Variants in CFAP77 observed in about 807,000 individuals in gnomAD.
The protein encoded by CFAP77 is cilia- and flagella-associated protein 77.
Under a neutral mutation model 31.1 loss-of-function variants are expected in CFAP77, and 25 were observed. The observed-to-expected ratio is 0.80, with a 90% CI of 0.59 to 1.12. The LOEUF (loss-of-function observed/expected upper bound fraction) is 1.12, where lower values mean the gene tolerates loss of function less well. Ranked by LOEUF, CFAP77 falls within the 50% of genes most tolerant of loss-of-function variation. CFAP77 has a pLI of 0.00. For synonymous variants in CFAP77, 151 were observed against 159.9 expected, an observed-to-expected ratio of 0.94 and a Z score of 0.42; for missense variants, 377 against 397.3, an observed-to-expected ratio of 0.95 and a Z score of 0.44.
intron 3 of CFAP77, among the ~76,000 whole-genome samples, chr9:132,533,219 G>A (rs1444881766): frequency 6.6e-6 from 1 of 152,204 alleles, no homozygotes; most frequent in Non-Finnish European, 1.5e-5. Flanking sequence ...GGGCCCTTCA[G>A]CTGCCGAAGA....
At chr9:132,473,705 CAG>C (rs954021480) in intron 1 of CFAP77, among the ~76,000 whole-genome samples, 3 of 152,054 alleles carry the variant, frequency 2.0e-5, no homozygotes, top group African/African-American at 7.2e-5. Context: ...TTTTTTGAGA[CAG>C]AGTTTCACTC....
chr9:132,413,819 G>A (rs148832126), intron 1 of CFAP77, among the ~76,000 whole-genome samples: 182 of 152,244 alleles, frequency 1.2e-3, no homozygotes, highest in African/African-American at 3.3e-3. Context: ...GTAAAAGATC[G>A]TAGCACCCGA....
rs538251832 is a variant in CFAP77 at position 132,513,348 on chromosome 9, C to T, written c.524+13748C>T. On this transcript the variant is annotated intron_variant, in intron 3 of 5. Transcript: ENST00000393216. ...TGGATTTAGCACGCTAACCATCTGGCCGCTTTCGCTTCTGATCCTTTCCTT... is the reference window on the plus strand; with the variant it reads ...TGGATTTAGCACGCTAACCATCTGGTCGCTTTCGCTTCTGATCCTTTCCTT... 1.9e-6 allele frequency: 3 copies of T among 1,544,044 alleles called. No individual in the cohort carries two copies. In the African/African-American group the frequency reaches 4.1e-5, roughly 21 times the overall value.
At chr9:132,436,358 A>G (rs1001771488) in intron 1 of CFAP77, among the ~76,000 whole-genome samples, 5 of 152,132 alleles carry the variant, frequency 3.3e-5, no homozygotes, top group Non-Finnish European at 1.5e-5. Flanking sequence ...CGTTGAATTT[A>G]GGATCCTCAA....
At chr9:132,458,899 C>G (rs1274527911) in intron 1 of CFAP77, among the ~76,000 whole-genome samples, 1 of 151,952 alleles carries the variant, frequency 6.6e-6, no homozygotes, top group African/African-American at 2.4e-5. Context: ...ATGGTTGAAC[C>G]CTTTTGAAGT....
In CFAP77 at chr9:132,511,009, C is replaced by G. The variant is rs1339649274; in HGVS notation, c.524+11409C>G. Among the ~76,000 whole-genome samples the G allele has an allele frequency of 6.6e-6, 1 of 152,130 alleles. No homozygotes were observed. Among genetic ancestry groups the G allele is most frequent in the African/African-American group, 2.4e-5 (1 of 41,420 alleles). ...GTCACGCTGGGATCTGATCTCAGAA[C>G]CCACATTCGTTACCTCCGGCCTATG... is the stretch of plus-strand genomic sequence containing the variant. On this transcript the variant is annotated intron_variant, in intron 3 of 5. Coordinates refer to ENST00000393216, the MANE Select transcript of CFAP77 (RefSeq NM_001282957.2). This position sits in a 1 kb window ranked among gnomAD's most constrained non-coding sequence, Gnocchi z 5.8.
At position 132,521,762 on chromosome 9, in the gene CFAP77, C is replaced by CTTT. The variant is rs774087426; in HGVS notation, c.525-15819_525-15817dup. ...GCTGAGAAAGACAGAAATAGACTTG[C>CTTT]TTTTTTTTTTTTTTTTTTTTTTGAG... On this transcript the variant is annotated intron_variant, in intron 3 of 5. Transcript: ENST00000393216. Among the ~76,000 whole-genome samples the CTTT allele has an allele frequency of 2.1e-3, 129 of 62,540 alleles. 1 individual carries two copies. Among genetic ancestry groups the CTTT allele is most frequent in the African/African-American group, 4.0e-3 (52 of 13,144 alleles). The allele number at this position is 62,540 out of a possible 152,430, so 41.0% of individuals were successfully genotyped here.
chr9:132,557,814 G>C (rs1008609757), intron 5 of CFAP77, among the ~76,000 whole-genome samples: 1 of 152,092 alleles, frequency 6.6e-6, no homozygotes, highest in Admixed American at 6.5e-5. Context: ...CCTACCTGCT[G>C]GCTACCCCAG....
intron 4 of CFAP77, 75 bp from the exon 5 acceptor site, chr9:132,542,869 GTC>G: frequency 8.7e-7 from 1 of 1,150,784 alleles, no homozygotes; most frequent in Non-Finnish European, 1.3e-6. Flanking sequence ...CCAGCCCTCT[GTC>G]TCTATATCCC....
At chr9:132,411,651 A>T (rs527749359) in intron 1 of CFAP77, among the ~76,000 whole-genome samples, 6 of 152,180 alleles carry the variant, frequency 3.9e-5, no homozygotes, top group Non-Finnish European at 7.3e-5. Context: ...CTGAGTGGAC[A>T]GGCAGGACAG....
At chr9:132,460,314 TCTC>T (rs1189055088) in intron 1 of CFAP77, among the ~76,000 whole-genome samples, 1 of 152,154 alleles carries the variant, frequency 6.6e-6, no homozygotes, top group African/African-American at 2.4e-5. Context: ...GCCACTGTGT[TCTC>T]CTCTGCAGAG....
At chr9:132,557,125 G>A (rs1310714775) in intron 5 of CFAP77, among the ~76,000 whole-genome samples, 1 of 152,186 alleles carries the variant, frequency 6.6e-6, no homozygotes, top group Non-Finnish European at 1.5e-5. Flanking sequence ...TTGCATCCTG[G>A]GGTGTGTGTG....
intron 5 of CFAP77, among the ~76,000 whole-genome samples, chr9:132,556,071 C>A (rs1055063758): frequency 1.3e-5 from 2 of 152,136 alleles, no homozygotes; most frequent in African/African-American, 4.8e-5. Flanking sequence ...AATATTGATA[C>A]AAGCGCCCTC....
intron 1 of CFAP77, among the ~76,000 whole-genome samples, chr9:132,487,146 C>T (rs950818759): frequency 2.0e-5 from 3 of 152,236 alleles, no homozygotes; most frequent in African/African-American, 7.2e-5. Context: ...TAATAGAAGC[C>T]ATCGGTTACT....
At chr9:132,530,903 T>A (rs1165537241) in intron 3 of CFAP77, among the ~76,000 whole-genome samples, 1 of 152,244 alleles carries the variant, frequency 6.6e-6, no homozygotes, top group Non-Finnish European at 1.5e-5. Context: ...TATAGTTTAA[T>A]GTTTTGTATT....
chr9:132,460,045 C>T (rs1564212083), intron 1 of CFAP77, among the ~76,000 whole-genome samples: 1 of 152,164 alleles, frequency 6.6e-6, no homozygotes, highest in Admixed American at 6.5e-5. Flanking sequence ...TGCAGGGCAT[C>T]GCACCCTGAG....
intron 1 of CFAP77, among the ~76,000 whole-genome samples, chr9:132,419,820 G>T (rs763580884): frequency 3.3e-5 from 5 of 152,142 alleles, no homozygotes; most frequent in Non-Finnish European, 7.3e-5. Context: ...AGAAGTTGTA[G>T]TCTGATCAGA....
At chr9:132,537,280 G>A (rs1422535995) in intron 3 of CFAP77, among the ~76,000 whole-genome samples, 3 of 152,214 alleles carry the variant, frequency 2.0e-5, no homozygotes, top group Middle Eastern at 3.4e-3. Flanking sequence ...TCAACGTAGC[G>A]GGACTCTTGG....
chr9:132,454,277 A>T (rs547221045), intron 1 of CFAP77, among the ~76,000 whole-genome samples: 2 of 152,154 alleles, frequency 1.3e-5, no homozygotes, highest in Non-Finnish European at 2.9e-5. Context: ...GGAGGGTTGT[A>T]ACTCATCTAT....
Sources: gnomAD v4.1 joint callset for allele counts (sites outside exome capture counted in the v4.1 genomes callset) on GRCh38, gnomAD v4.1.1 for gene constraint, Gnocchi (gnomAD v3.1) non-coding constraint, MANE v1.5 for transcripts, NCBI Gene and HGNC (gene_info 2026-07-23, HGNC 2026-07-21) for gene names.